Variants in DMD observed in about 807,000 individuals in gnomAD.
DMD encodes the protein mutant dystrophin.
A neutral mutation model predicts 330.1 loss-of-function variants in DMD; 63 were observed. The observed-to-expected ratio is 0.19, with a 90% CI of 0.16 to 0.24. The LOEUF is 0.24. Ranked by LOEUF, DMD falls within the 10% of genes least tolerant of loss-of-function variation. The probability of loss-of-function intolerance (pLI) is 1.00; values close to 1 mark genes in which losing one functional copy is unlikely to be tolerated. For synonymous variants in DMD, 1,223 were observed against 959.8 expected (o/e 1.27, Z -5.07); for missense variants, 3,344 against 2,684.1 (o/e 1.25, Z -5.43).
intron 44 of DMD, among the ~76,000 whole-genome samples, chrX:31,983,757 A>C (rs2095492077): frequency 8.9e-6 from 1 of 112,244 alleles, no homozygotes; most frequent in African/African-American, 3.2e-5. Flanking sequence ...TTATTGTGAT[A>C]ATTTATTGCT....
chrX:32,963,855 A>G (rs985529965), intron 2 of DMD, among the ~76,000 whole-genome samples: 3 of 111,692 alleles, frequency 2.7e-5, no homozygotes, highest in African/African-American at 9.8e-5. Context: ...GACAATAAAG[A>G]TCATAATACA....
At chrX:32,818,078 C>A (rs1046681326) in intron 5 of DMD, among the ~76,000 whole-genome samples, 3 of 111,885 alleles carry the variant, frequency 2.7e-5, no homozygotes, top group Non-Finnish European at 5.6e-5. Flanking sequence ...TTATAAATTG[C>A]TCAACCTTTA....
In DMD at chrX:32,491,050, A is replaced by G. The variant is rs113959547; in HGVS notation, c.2622+227T>C. On this transcript the variant is annotated intron_variant, in intron 20 of 78. Coordinates refer to ENST00000357033, the MANE Select transcript of DMD (RefSeq NM_004006.3). ...CCTCATGCTTACGCAAACCGACACAATCAATTAGCGCTGTGTAACTACGCC... is the reference window on the plus strand; with the variant it reads ...CCTCATGCTTACGCAAACCGACACAGTCAATTAGCGCTGTGTAACTACGCC... Among the ~76,000 whole-genome samples the G allele has an allele frequency of 4.5e-3, 506 of 112,557 alleles. 1 individual carries two copies. The highest frequency in any genetic ancestry group is 0.012 in the African/African-American group (376 of 31,038).
At chrX:31,644,286 G>A (rs1351465798) in intron 54 of DMD, among the ~76,000 whole-genome samples, 1 of 111,743 alleles carries the variant, frequency 8.9e-6, no homozygotes, top group East Asian at 2.8e-4. Flanking sequence ...CACTGTATGT[G>A]AGAAAATTCT....
chrX:33,327,177 T>C (rs1045151770), intron 1 of DMD, among the ~76,000 whole-genome samples: 8 of 111,696 alleles, frequency 7.2e-5, no homozygotes, highest in African/African-American at 2.6e-4. Context: ...AGGTAACTCA[T>C]CTGGATTTAA....
intron 1 of DMD, among the ~76,000 whole-genome samples, chrX:33,022,157 G>C (rs958998341): frequency 9.0e-6 from 1 of 111,259 alleles, no homozygotes; most frequent in African/African-American, 3.3e-5. Flanking sequence ...AAAGCAGAGA[G>C]TAAATGAGTC....
At chrX:31,913,661 G>C (rs932238103) in intron 47 of DMD, among the ~76,000 whole-genome samples, 1 of 111,235 alleles carries the variant, frequency 9.0e-6, no homozygotes, top group African/African-American at 3.3e-5. Context: ...ATATGACTGA[G>C]TTGTGGTGAA....
At chrX:32,432,530 C>T (rs1370354601) in intron 29 of DMD, among the ~76,000 whole-genome samples, 4 of 112,000 alleles carry the variant, frequency 3.6e-5, no homozygotes, top group Non-Finnish European at 7.5e-5. Context: ...CTTAGCTGTC[C>T]TAGCCCTTGA....
At chrX:31,198,918 T>C (rs2043170070) in intron 67 of DMD, among the ~76,000 whole-genome samples, 1 of 112,018 alleles carries the variant, frequency 8.9e-6, no homozygotes, top group Non-Finnish European at 1.9e-5. Context: ...GGGAGGGGTG[T>C]TTATTTATCT....
intron 2 of DMD, among the ~76,000 whole-genome samples, chrX:33,016,165 C>G (rs2093798460): frequency 9.0e-6 from 1 of 110,794 alleles, no homozygotes; most frequent in African/African-American, 3.3e-5. Context: ...GTTTACTGGG[C>G]ATCTGAAGGA....
At chrX:31,913,405 C>T (rs2094569709) in intron 47 of DMD, among the ~76,000 whole-genome samples, 1 of 111,582 alleles carries the variant, frequency 9.0e-6, no homozygotes. Context: ...CTATACCAGA[C>T]TACGTGATAT....
intron 7 of DMD, among the ~76,000 whole-genome samples, chrX:32,746,270 G>T (rs1365026094): frequency 1.8e-5 from 2 of 112,171 alleles, no homozygotes; most frequent in Middle Eastern, 4.6e-3. Context: ...TTTCATACAA[G>T]AATCATAGAC....
chrX:31,513,714 A>C (rs2071889379), intron 55 of DMD, among the ~76,000 whole-genome samples: 1 of 111,760 alleles, frequency 8.9e-6, no homozygotes, highest in South Asian at 3.8e-4. Flanking sequence ...CATAACAAAA[A>C]CCATAGCAGC....
At chrX:31,329,319 C>T (rs2056966601) in intron 61 of DMD, among the ~76,000 whole-genome samples, 1 of 111,239 alleles carries the variant, frequency 9.0e-6, no homozygotes. Context: ...AAGAGAACTG[C>T]ATGTATACAC....
intron 20 of DMD, 63 bp downstream of exon 20, chrX:32,491,214 C>A (rs1444057167): frequency 8.5e-7 from 1 of 1,175,348 alleles, no homozygotes; most frequent in Non-Finnish European, 1.2e-6. Flanking sequence ...TTACTGTCTT[C>A]TTGGAAATTG....
chrX:32,179,690 A>G (rs1212856171), intron 44 of DMD, among the ~76,000 whole-genome samples: 1 of 112,158 alleles, frequency 8.9e-6, no homozygotes, highest in Non-Finnish European at 1.9e-5. Flanking sequence ...TGTAGCTCCC[A>G]TAATCCCCAT....
intron 7 of DMD, among the ~76,000 whole-genome samples, chrX:32,785,182 G>A (rs1295285465): frequency 4.7e-5 from 5 of 105,440 alleles, no homozygotes; most frequent in Non-Finnish European, 7.8e-5. Flanking sequence ...CTGCACAAAT[G>A]CTCGTGCTCT....
At chrX:32,913,191 T>A (rs1210142301) in intron 2 of DMD, among the ~76,000 whole-genome samples, 1 of 111,560 alleles carries the variant, frequency 9.0e-6, no homozygotes, top group Non-Finnish European at 1.9e-5. Context: ...TGGTAACATT[T>A]TTCTTGAAGC....
At chrX:33,034,524 C>T (rs2094172681) in intron 1 of DMD, among the ~76,000 whole-genome samples, 1 of 112,122 alleles carries the variant, frequency 8.9e-6, no homozygotes, top group African/African-American at 3.2e-5. Context: ...CTGGCTCTAA[C>T]ACTAACTTGC....
Sources: allele counts gnomAD v4.1 joint callset (sites outside exome capture counted in the v4.1 genomes callset), GRCh38; gene constraint gnomAD v4.1.1; transcripts MANE v1.5; gene names NCBI Gene and HGNC (gene_info 2026-07-23, HGNC 2026-07-21).